Variants in N4BP2L2 observed in about 807,000 individuals in gnomAD.
N4BP2L2 encodes NEDD4 binding protein 2 like 2.
In N4BP2L2, 50 loss-of-function variants were observed where a neutral mutation model predicts 56.2. The ratio of observed to expected loss-of-function variants is 0.89; its 90% confidence interval spans 0.71 to 1.13. The LOEUF is 1.13. Among genes scored for constraint, N4BP2L2 ranks in the 50% most tolerant of loss-of-function variants. The pLI, the probability that N4BP2L2 is intolerant of heterozygous loss-of-function variation, is 0.00. For missense variants in N4BP2L2, 689 were observed against 693.8 expected, an observed-to-expected ratio of 0.99 and a Z score of 0.08; for synonymous variants, 203 against 223.6, an observed-to-expected ratio of 0.91 and a Z score of 0.82.
At chr13:32,537,555 C>T (rs1241020521) in intron 1 of N4BP2L2, among the ~76,000 whole-genome samples, 1 of 152,082 alleles carries the variant, frequency 6.6e-6, no homozygotes, top group African/African-American at 2.4e-5. Flanking sequence ...CCTTAGCATC[C>T]AAATGTTAGA....
chr13:32,526,818 G>GTTTTTT (rs35925361), intron 3 of N4BP2L2: 266 of 23,070 alleles, frequency 0.012, 9 homozygotes, highest in South Asian at 0.021. Context: ...CTTTTTGTCT[G>GTTTTTT]TTTTTTTTTT....
intron 3 of N4BP2L2, among the ~76,000 whole-genome samples, chr13:32,526,498 C>G (rs1258100217): frequency 6.6e-6 from 1 of 151,936 alleles, no homozygotes; most frequent in Non-Finnish European, 1.5e-5. Flanking sequence ...GAAAGGGGTA[C>G]AAACAAAAAG....
chr13:32,517,949 A>G (rs149746637), exon 6 of N4BP2L2: 41 of 1,614,084 alleles, frequency 2.5e-5, no homozygotes, highest in African/African-American at 6.7e-5. Flanking sequence ...TTTGATATTC[A>G]TAACGATCCA....
At chr13:32,480,876 T>C (rs1274491631) in intron 6 of N4BP2L2, among the ~76,000 whole-genome samples, 2 of 151,934 alleles carry the variant, frequency 1.3e-5, no homozygotes, top group East Asian at 3.9e-4. Flanking sequence ...CCCAGCACTT[T>C]GGGAGGCTGA....
At chr13:32,447,462 G>C (rs1484183213) in intron 6 of N4BP2L2, among the ~76,000 whole-genome samples, 3 of 152,142 alleles carry the variant, frequency 2.0e-5, no homozygotes, top group African/African-American at 7.2e-5. Context: ...TGTTTTGAAG[G>C]AAAAATAAGC....
chr13:32,516,640 T>C (rs186023010), exon 6 of N4BP2L2: 2 of 153,030 alleles, frequency 1.3e-5, no homozygotes, highest in East Asian at 3.9e-4. Flanking sequence ...GTAAAACATA[T>C]AAAGAATCAT....
At chr13:32,443,819 T>A (rs773757379) in exon 7 of N4BP2L2, 1 of 1,587,774 alleles carries the variant, frequency 6.3e-7, no homozygotes, top group Non-Finnish European at 8.6e-7. Context: ...ACTATAGACA[T>A]AACGTTTTGG....
At chr13:32,471,102 G>A (rs2082205366) in intron 6 of N4BP2L2, among the ~76,000 whole-genome samples, 1 of 152,176 alleles carries the variant, frequency 6.6e-6, no homozygotes, top group African/African-American at 2.4e-5. Flanking sequence ...CTAATAGCTA[G>A]GCAGTTTATC....
rs1201451429 is a variant in N4BP2L2 at position 32,490,959 on chromosome 13, T to C, written c.365+26898A>G. Among the ~76,000 whole-genome samples the C allele has an allele frequency of 4.6e-5, 7 of 151,544 alleles. No individual in the cohort carries two copies. In the East Asian group the frequency reaches 1.4e-3, roughly 29 times the overall value. On this transcript the variant is annotated intron_variant, in intron 6 of 9. Coordinates refer to the N4BP2L2 transcript ENST00000357505. ...ATGGGTGGAAATACAATGTTTAGTTTTGTAATTAGAGTAAATCCTCATTTT... is the reference window on the plus strand; with the variant it reads ...ATGGGTGGAAATACAATGTTTAGTTCTGTAATTAGAGTAAATCCTCATTTT...
intron 7 of N4BP2L2, among the ~76,000 whole-genome samples, chr13:32,439,650 C>T (rs894180488): frequency 7.2e-5 from 11 of 152,010 alleles, no homozygotes; most frequent in East Asian, 1.9e-4. Flanking sequence ...TTAAAGCTCC[C>T]GAAAGCAAAA....
intron 7 of N4BP2L2, among the ~76,000 whole-genome samples, chr13:32,440,021 G>A (rs55947358): frequency 0.042 from 5,509 of 129,890 alleles, 154 homozygotes; most frequent in Non-Finnish European, 0.06. Context: ...GCGAGACTCC[G>A]TCTCAAAAAA....
In N4BP2L2 at chr13:32,486,637, C is replaced by T. The variant is rs185805846; in HGVS notation, c.365+31220G>A. On this transcript the variant is annotated intron_variant, in intron 6 of 9. Transcript: ENST00000357505. ...GTTGCAGTGAGCCAAAATTGCGCCA[C>T]TGCACTCCAACCTGGGCAACAGAGC... 3.2e-4 allele frequency among the ~76,000 whole-genome samples: 49 copies of T among 152,108 alleles called. No individual in the cohort carries two copies. In the East Asian group the frequency reaches 9.1e-3, roughly 28 times the overall value.
rs185016402 is a variant in N4BP2L2, at chr13:32,473,079, G to C, written c.366-28953C>G. ...GCAGATCACCTGAGGTCAGGAGTTC[G>C]AGACCAGCCTGGCCAACATAGTGAA... On this transcript the variant is annotated intron_variant, in intron 6 of 9. Coordinates refer to the N4BP2L2 transcript ENST00000357505. Among the ~76,000 whole-genome samples, 455 of 152,118 alleles carry C rather than the reference G, an allele frequency of 3.0e-3. 6 individuals carry two copies. The highest frequency in any genetic ancestry group is 0.011 in the African/African-American group (442 of 41,526).
chr13:32,505,356 A>G (rs1002787496), downstream of N4BP2L2: 5 of 152,244 alleles, frequency 3.3e-5, no homozygotes, highest in Middle Eastern at 6.8e-3. Flanking sequence ...GGCTGATTGG[A>G]TCCACAAGTC....
At chr13:32,522,063 C>T (rs530500106) in intron 4 of N4BP2L2, 119 bp downstream of exon 4, 2 of 675,500 alleles carry the variant, frequency 3.0e-6, no homozygotes, top group South Asian at 1.8e-5. Context: ...AACCAACAAA[C>T]CTCTTTAGAA....
intron 6 of N4BP2L2, among the ~76,000 whole-genome samples, chr13:32,468,194 A>T (rs2081582071): frequency 6.6e-6 from 1 of 151,774 alleles, no homozygotes; most frequent in South Asian, 2.1e-4. Flanking sequence ...CTCAGGGTTA[A>T]GGAAGAAAGA....
chr13:32,450,483 C>G (rs2077762975), intron 6 of N4BP2L2, among the ~76,000 whole-genome samples: 2 of 151,580 alleles, frequency 1.3e-5, no homozygotes, highest in South Asian at 4.2e-4. Flanking sequence ...TGCAACCATG[C>G]CCGGTTAATT....
chr13:32,478,740 A>G (rs577954810), intron 6 of N4BP2L2: 1 of 152,384 alleles, frequency 6.6e-6, no homozygotes, highest in South Asian at 2.1e-4. Context: ...TGTTGTGTAT[A>G]GAGATTTAAC....
At chr13:32,471,529 G>A (rs966566998) in intron 6 of N4BP2L2, among the ~76,000 whole-genome samples, 1 of 152,260 alleles carries the variant, frequency 6.6e-6, no homozygotes, top group African/African-American at 2.4e-5. Flanking sequence ...GACAGAGAGA[G>A]AGCCAGAGTT....
Sources: gnomAD v4.1 joint callset for allele counts (sites outside exome capture counted in the v4.1 genomes callset) on GRCh38, gnomAD v4.1.1 for gene constraint, MANE v1.5 for transcripts, NCBI Gene and HGNC (gene_info 2026-07-23, HGNC 2026-07-21) for gene names.